Variants in CTNNA3 observed in about 807,000 individuals in gnomAD.
The protein encoded by CTNNA3 is catenin alpha-3.
Under a neutral mutation model 95.7 loss-of-function variants are expected in CTNNA3, and 76 were observed. The observed-to-expected ratio is 0.79, with a 90% CI of 0.66 to 0.96. The LOEUF is 0.96. CTNNA3 is among the 40% of genes least tolerant of loss of function. The pLI is 0.00. For synonymous variants in CTNNA3, 431 were observed against 374.4 expected (o/e 1.15, Z -1.74); for missense variants, 1,191 against 1,089.8 (o/e 1.09, Z -1.31).
chr10:66,716,577 C>T (rs1848456527), intron 9 of CTNNA3, among the ~76,000 whole-genome samples: 1 of 152,110 alleles, frequency 6.6e-6, no homozygotes, highest in Non-Finnish European at 1.5e-5. Context: ...TTACAGATTG[C>T]ACTGAGCCAG....
At chr10:67,391,464 A>G (rs2132770066) in intron 5 of CTNNA3, among the ~76,000 whole-genome samples, 1 of 152,340 alleles carries the variant, frequency 6.6e-6, no homozygotes, top group African/African-American at 2.4e-5. Flanking sequence ...AATATCGTGA[A>G]AATGGCCATA....
At chr10:67,018,816 A>G (rs1264761389) in intron 7 of CTNNA3, among the ~76,000 whole-genome samples, 1 of 152,260 alleles carries the variant, frequency 6.6e-6, no homozygotes, top group Non-Finnish European at 1.5e-5. Flanking sequence ...AGTGTTGTGT[A>G]TAAATATTAG....
At chr10:67,209,540 C>T (rs190815013) in intron 6 of CTNNA3, among the ~76,000 whole-genome samples, 1 of 152,206 alleles carries the variant, frequency 6.6e-6, no homozygotes, top group African/African-American at 2.4e-5. Flanking sequence ...AGAGAATACA[C>T]AATTTTTTCA....
At chr10:66,885,599 T>C (rs1845013377) in intron 7 of CTNNA3, among the ~76,000 whole-genome samples, 3 of 152,130 alleles carry the variant, frequency 2.0e-5, no homozygotes, top group Admixed American at 2.0e-4. Flanking sequence ...CCTTTATTCT[T>C]ACCAGTAAAT....
At position 66,316,402 on chromosome 10, in the gene CTNNA3, A is replaced by G. The variant is rs544914296; in HGVS notation, c.1733-35781T>C. On this transcript the variant is annotated intron_variant, in intron 12 of 17. Coordinates refer to ENST00000433211, the MANE Select transcript of CTNNA3 (RefSeq NM_013266.4). ...TCTACTTTATGAACTTTTATTTTAC[A>G]GTAATATATATTAATTAACTCATTA... 2.0e-5 allele frequency among the ~76,000 whole-genome samples: 3 copies of G among 152,170 alleles called. No individual in the cohort carries two copies. The South Asian group carries it at 6.2e-4, about 32-fold the overall frequency.
At chr10:66,165,103 G>A (rs903574472) in intron 13 of CTNNA3, among the ~76,000 whole-genome samples, 2 of 152,130 alleles carry the variant, frequency 1.3e-5, no homozygotes, top group African/African-American at 2.4e-5. Context: ...GAATAACGTC[G>A]TGTACTTTGC....
chr10:66,851,633 TACACACACACACACAC>T (rs35986426), intron 7 of CTNNA3, among the ~76,000 whole-genome samples: 46,851 of 144,292 alleles, frequency 0.32, 7,893 homozygotes, highest in Non-Finnish European at 0.38. Flanking sequence ...TTCTCTCACA[TACACACACACACACAC>T]ACACACACAC....
At chr10:66,135,975 C>T (rs575290297) in intron 13 of CTNNA3, among the ~76,000 whole-genome samples, 1 of 150,764 alleles carries the variant, frequency 6.6e-6, no homozygotes, top group Non-Finnish European at 1.5e-5. Context: ...GATCTCAGCT[C>T]ACTGCAAGCT....
At chr10:65,983,709 G>A (rs1007724210) in intron 16 of CTNNA3, among the ~76,000 whole-genome samples, 2 of 151,118 alleles carry the variant, frequency 1.3e-5, no homozygotes, top group Non-Finnish European at 3.0e-5. Flanking sequence ...TTTTGAGACC[G>A]CCATTTTGAG....
chr10:67,003,901 T>G (rs756757116), intron 7 of CTNNA3, among the ~76,000 whole-genome samples: 16 of 152,182 alleles, frequency 1.1e-4, no homozygotes, highest in Non-Finnish European at 1.9e-4. Flanking sequence ...GAGAATAAAC[T>G]GTGAGACTAT....
intron 12 of CTNNA3, among the ~76,000 whole-genome samples, chr10:66,325,522 G>C (rs991488510): frequency 6.6e-6 from 1 of 152,068 alleles, no homozygotes; most frequent in Non-Finnish European, 1.5e-5. Flanking sequence ...TGGGATTATA[G>C]GCATGAGCCG....
chr10:67,468,366 T>TAA (rs111964383), intron 5 of CTNNA3, among the ~76,000 whole-genome samples: 5 of 148,986 alleles, frequency 3.4e-5, no homozygotes, highest in African/African-American at 1.2e-4. Flanking sequence ...CTGTTCCTTT[T>TAA]AAAAAAAAAA....
intron 7 of CTNNA3, among the ~76,000 whole-genome samples, chr10:67,005,329 G>C (rs1053673765): frequency 6.6e-6 from 1 of 152,104 alleles, no homozygotes; most frequent in African/African-American, 2.4e-5. Flanking sequence ...ATTGAAGGGA[G>C]AAAACACCTG....
chr10:66,891,317 G>A (rs913079821), intron 7 of CTNNA3, among the ~76,000 whole-genome samples: 3 of 152,262 alleles, frequency 2.0e-5, no homozygotes, highest in East Asian at 1.9e-4. Flanking sequence ...AGGCATTTCC[G>A]TAGAAATCAG....
At chr10:67,325,041 A>C (rs1841485669) in intron 5 of CTNNA3, among the ~76,000 whole-genome samples, 1 of 151,060 alleles carries the variant, frequency 6.6e-6, no homozygotes, top group Non-Finnish European at 1.5e-5. Flanking sequence ...TCTTCATAAT[A>C]CTCTCTGATT....
At chr10:66,923,349 A>T (rs757280267) in intron 7 of CTNNA3, among the ~76,000 whole-genome samples, 2 of 152,228 alleles carry the variant, frequency 1.3e-5, no homozygotes, top group Non-Finnish European at 2.9e-5. Context: ...AGCAAGAAGC[A>T]CAAAGTTAAT....
chr10:66,412,803 T>G (rs1371318390), intron 11 of CTNNA3, among the ~76,000 whole-genome samples: 1 of 151,806 alleles, frequency 6.6e-6, no homozygotes, highest in Non-Finnish European at 1.5e-5. Flanking sequence ...TCTTTTTTAT[T>G]GTTCCTGGAA....
At position 65,913,517 on chromosome 10, in the gene CTNNA3, C is replaced by T. The variant is rs564464982; in HGVS notation, c.*6813G>A. 9 of 152,174 alleles carry T rather than the reference C, an allele frequency of 5.9e-5. No homozygotes were observed. The South Asian group carries it at 1.9e-3, about 32-fold the overall frequency. 9.4% of individuals were successfully genotyped at this position (152,174 alleles called of 1,614,324 possible). A position where few individuals can be genotyped will look rare whatever the true frequency, so the allele number is the denominator to read the frequency against. On this transcript the variant is annotated 3_prime_UTR_variant, in exon 18 of 18. Coordinates refer to ENST00000433211, the MANE Select transcript of CTNNA3 (RefSeq NM_013266.4). Reference sequence around the variant, plus strand: ...AAAAATTTGCAAAATCAACAAATAGCACATCTTAACCCTGCAAGACAGTTG... The same window carrying T: ...AAAAATTTGCAAAATCAACAAATAGTACATCTTAACCCTGCAAGACAGTTG...
chr10:67,436,231 C>T lies in CTNNA3; in HGVS notation c.579+85611G>A, dbSNP rs542220777. 2.4e-4 allele frequency among the ~76,000 whole-genome samples: 37 copies of T among 152,174 alleles called. 1 individual carries two copies. The highest frequency in any genetic ancestry group is 1.4e-3 in the Admixed American group (22 of 15,280). ...AAAAACATGAAGTGAGGAGAGGACA[C>T]CCTTTTCAACAAATGGTGCTGGGAT... On this transcript the variant is annotated intron_variant, in intron 5 of 17. Coordinates refer to ENST00000433211, the MANE Select transcript of CTNNA3 (RefSeq NM_013266.4).
Sources: gnomAD v4.1 joint callset for allele counts (sites outside exome capture counted in the v4.1 genomes callset) on GRCh38, gnomAD v4.1.1 for gene constraint, MANE v1.5 for transcripts, NCBI Gene and HGNC (gene_info 2026-07-23, HGNC 2026-07-21) for gene names.